The following C1orf198 variants were observed in gnomAD, a reference collection of about 807,000 sequenced individuals.
The protein encoded by C1orf198 is chromosome 1 open reading frame 198, also known as uncharacterized protein C1orf198.
A neutral mutation model predicts 31.4 loss-of-function variants in C1orf198; 17 were observed. That is an observed-to-expected ratio of 0.54 (90% CI 0.37 to 0.81). C1orf198 has a LOEUF of 0.81. C1orf198 is among the 40% of genes least tolerant of loss of function. The pLI is 0.00. For missense variants in C1orf198, 401 were observed against 450.3 expected (o/e 0.89, Z 0.99); for synonymous variants, 175 against 193.8 (o/e 0.90, Z 0.81).
At chr1:230,863,002 T>G (rs986141710) in intron 1 of C1orf198, among the ~76,000 whole-genome samples, 3 of 152,216 alleles carry the variant, frequency 2.0e-5, no homozygotes, top group African/African-American at 7.2e-5. Flanking sequence ...ATTAAGTCTA[T>G]TCAAAAAGAG....
intron 2 of C1orf198, among the ~76,000 whole-genome samples, chr1:230,847,835 G>A (rs1410577571): frequency 6.6e-6 from 1 of 152,214 alleles, no homozygotes; most frequent in Non-Finnish European, 1.5e-5. Flanking sequence ...TGTAGTGTAA[G>A]GAAGGCACTT....
At chr1:230,851,928 CA>C (rs1454334014) in intron 2 of C1orf198, among the ~76,000 whole-genome samples, 4 of 152,228 alleles carry the variant, frequency 2.6e-5, no homozygotes, top group African/African-American at 9.6e-5. Context: ...GGAACCCATA[CA>C]GAGGTGCAGC....
At chr1:230,844,294 G>A (rs6661003) in intron 2 of C1orf198, among the ~76,000 whole-genome samples, 11,494 of 151,812 alleles carry the variant, frequency 0.076, 1,408 homozygotes, top group African/African-American at 0.26. Context: ...AGATCTGGTC[G>A]TTTAAAAGGG....
chr1:230,862,216 T>C (rs1469029649), intron 1 of C1orf198, among the ~76,000 whole-genome samples: 1 of 152,214 alleles, frequency 6.6e-6, no homozygotes, highest in Non-Finnish European at 1.5e-5. Flanking sequence ...ACAACACTGG[T>C]TGTTGTCACT....
intron 3 of C1orf198, among the ~76,000 whole-genome samples, chr1:230,841,211 G>C (rs370484547): frequency 6.6e-6 from 1 of 152,164 alleles, no homozygotes; most frequent in Non-Finnish European, 1.5e-5. Flanking sequence ...GGCAGGTACC[G>C]GAGAAGGCAG....
chr1:230,844,381 C>T (rs969691655), intron 2 of C1orf198, among the ~76,000 whole-genome samples: 1 of 152,066 alleles, frequency 6.6e-6, no homozygotes, highest in African/African-American at 2.4e-5. Context: ...CCGCCTTCCA[C>T]CATGAGCCAC....
chr1:230,869,455 CATCT>C (rs1274092305), upstream of C1orf198: 2 of 152,226 alleles, frequency 1.3e-5, no homozygotes. Context: ...CCCCTCTCTC[CATCT>C]GACTGATTTT....
intron 2 of C1orf198, among the ~76,000 whole-genome samples, chr1:230,845,760 C>T (rs1240299789): frequency 6.6e-6 from 1 of 151,984 alleles, no homozygotes; most frequent in African/African-American, 2.4e-5. Flanking sequence ...AACTACATGA[C>T]AGAAAGTTTG....
chr1:230,848,247 A>G (rs1294683700), intron 2 of C1orf198, among the ~76,000 whole-genome samples: 2 of 152,232 alleles, frequency 1.3e-5, no homozygotes, highest in Admixed American at 1.3e-4. Flanking sequence ...GAAGACAAGA[A>G]CTTAACAAAG....
At chr1:230,841,618 G>T (rs1464651210) in intron 3 of C1orf198, among the ~76,000 whole-genome samples, 1 of 152,206 alleles carries the variant, frequency 6.6e-6, no homozygotes, top group Non-Finnish European at 1.5e-5. Context: ...CATGGCACCA[G>T]CAAAGACACA....
intron 2 of C1orf198, among the ~76,000 whole-genome samples, chr1:230,845,254 C>T (rs373078082): frequency 7.3e-5 from 11 of 149,794 alleles, no homozygotes; most frequent in Admixed American, 3.3e-4. Flanking sequence ...TGATGACACA[C>T]GCCTGTGGTC....
chr1:230,847,671 G>A (rs1669630268), intron 2 of C1orf198, among the ~76,000 whole-genome samples: 1 of 152,190 alleles, frequency 6.6e-6, no homozygotes, highest in Non-Finnish European at 1.5e-5. Flanking sequence ...TCTGAGTGGT[G>A]CATTCTGAAT....
At chr1:230,841,506 T>TA (rs1669440840) in intron 3 of C1orf198, among the ~76,000 whole-genome samples, 1 of 152,130 alleles carries the variant, frequency 6.6e-6, no homozygotes, top group South Asian at 2.1e-4. Context: ...CCAAAGAAGA[T>TA]ACACAGATGG....
chr1:230,861,909 T>C (rs1349798076), intron 1 of C1orf198, among the ~76,000 whole-genome samples: 4 of 152,164 alleles, frequency 2.6e-5, no homozygotes, highest in Non-Finnish European at 4.4e-5. Context: ...CTGAAATCCA[T>C]AAATAAGGAG....
chr1:230,847,048 A>G (rs1299124754), intron 2 of C1orf198, among the ~76,000 whole-genome samples: 1 of 142,468 alleles, frequency 7.0e-6, no homozygotes, highest in Admixed American at 7.3e-5. Context: ...GCTTGCAGTG[A>G]GCCGAAATCC....
At chr1:230,846,700 C>T (rs957151215) in intron 2 of C1orf198, among the ~76,000 whole-genome samples, 3 of 152,240 alleles carry the variant, frequency 2.0e-5, no homozygotes, top group East Asian at 3.9e-4. Flanking sequence ...CGGTGGCTCA[C>T]GCCTGTAATC....
At chr1:230,868,590 A>C (rs1572143446), upstream of C1orf198, 1 of 992,738 alleles carries the variant, frequency 1.0e-6, no homozygotes, top group Non-Finnish European at 1.2e-6. Flanking sequence ...CGCCACCCGG[A>C]GCCCCGCCCC....
At chr1:230,856,917 G>T (rs966706762) in intron 1 of C1orf198, among the ~76,000 whole-genome samples, 3 of 152,160 alleles carry the variant, frequency 2.0e-5, no homozygotes, top group Non-Finnish European at 4.4e-5. Flanking sequence ...CTCCTCTACA[G>T]GGCAAACCAG....
chr1:230,861,633 C>T (rs77818162), intron 1 of C1orf198, among the ~76,000 whole-genome samples: 1 of 152,208 alleles, frequency 6.6e-6, no homozygotes, highest in African/African-American at 2.4e-5. Context: ...CTCACTCCCC[C>T]AGAGCCGGCT....
Sources: allele counts gnomAD v4.1 joint callset (sites outside exome capture counted in the v4.1 genomes callset), GRCh38; gene constraint gnomAD v4.1.1; transcripts MANE v1.5; gene names NCBI Gene and HGNC (gene_info 2026-07-23, HGNC 2026-07-21).